DYM: variants seen among roughly 807,000 people sequenced by gnomAD.
DYM encodes dymeclin, also known as dyggve-Melchior-Clausen syndrome protein.
DYM carries 78 observed loss-of-function variants against 93.1 expected under a neutral mutation model. The ratio of observed to expected loss-of-function variants is 0.84; its 90% CI spans 0.70 to 1.01. The LOEUF (loss-of-function observed/expected upper bound fraction) is 1.01. Ranked by LOEUF, DYM falls within the 50% of genes least tolerant of loss-of-function variation. The probability of loss-of-function intolerance (pLI) is 0.00; values close to 1 mark genes in which losing one functional copy is unlikely to be tolerated. For missense variants in DYM, 789 were observed against 845.0 expected (o/e 0.93, Z 0.82); for synonymous variants, 321 against 319.7 (o/e 1.00, Z -0.04).
intron 8 of DYM, among the ~76,000 whole-genome samples, chr18:49,310,526 A>G (rs1354646128): frequency 6.6e-6 from 1 of 152,194 alleles, no homozygotes. Context: ...ATGTATGTAT[A>G]TTTGCCACAC....
chr18:49,156,789 T>G (rs2086506262), intron 15 of DYM, among the ~76,000 whole-genome samples: 1 of 150,160 alleles, frequency 6.7e-6, no homozygotes, highest in Non-Finnish European at 1.5e-5. Flanking sequence ...TACATTCCAC[T>G]GACTTAGAGC....
At chr18:49,045,407 G>A (rs2071345593) in intron 17 of DYM, among the ~76,000 whole-genome samples, 1 of 152,206 alleles carries the variant, frequency 6.6e-6, no homozygotes, top group Non-Finnish European at 1.5e-5. Flanking sequence ...AGTATTGAGG[G>A]CCAACTATGT....
At chr18:49,424,118 C>G (rs2074020368) in intron 2 of DYM, among the ~76,000 whole-genome samples, 1 of 152,146 alleles carries the variant, frequency 6.6e-6, no homozygotes, top group Non-Finnish European at 1.5e-5. Flanking sequence ...AGACCAATAT[C>G]CCTGATGAAC....
At chr18:49,158,031 C>G (rs2086646471) in intron 15 of DYM, among the ~76,000 whole-genome samples, 1 of 152,212 alleles carries the variant, frequency 6.6e-6, no homozygotes, top group Non-Finnish European at 1.5e-5. Flanking sequence ...TGACACAAGA[C>G]CATTTTTCAC....
chr18:49,450,290 C>A (rs2082414912), intron 1 of DYM, among the ~76,000 whole-genome samples: 1 of 152,174 alleles, frequency 6.6e-6, no homozygotes, highest in African/African-American at 2.4e-5. Flanking sequence ...AAAGACTTCA[C>A]CCCATGGTCA....
intron 14 of DYM, among the ~76,000 whole-genome samples, chr18:49,177,946 C>A (rs1183620647): frequency 6.6e-6 from 1 of 152,052 alleles, no homozygotes; most frequent in Non-Finnish European, 1.5e-5. Context: ...TTTAGAAAAA[C>A]CACAAAACCA....
Position 49,134,516 on chromosome 18 carries a change from C to T in DYM, c.1729-15590G>A, listed in dbSNP as rs543138697. Among the ~76,000 whole-genome samples, 191 of 152,220 alleles carry T rather than the reference C, an allele frequency of 1.3e-3. 1 individual carries two copies. The highest frequency in any genetic ancestry group is 4.3e-3 in the African/African-American group (179 of 41,534). On this transcript the variant is annotated intron_variant, in intron 15 of 17. Coordinates refer to ENST00000675505, the MANE Select transcript of DYM (RefSeq NM_001353214.3). Reference sequence around the variant, plus strand: ...CCTCTAGAATAATTAATACATAAAACGAATGCTGTCTTGATTTAATTATTT... The same window carrying T: ...CCTCTAGAATAATTAATACATAAAATGAATGCTGTCTTGATTTAATTATTT...
chr18:49,254,345 G>A (rs2094350532), intron 13 of DYM, among the ~76,000 whole-genome samples: 1 of 142,888 alleles, frequency 7.0e-6, no homozygotes, highest in South Asian at 2.2e-4. Context: ...GATGGGTCCT[G>A]GTCTTATTCC....
At chr18:49,366,321 C>G (rs1459738881) in intron 5 of DYM, among the ~76,000 whole-genome samples, 1 of 152,206 alleles carries the variant, frequency 6.6e-6, no homozygotes, top group East Asian at 1.9e-4. Context: ...AGTATAGTAA[C>G]ACATTCAAGC....
At chr18:49,355,344 TATCA>T (rs1194594473) in intron 6 of DYM, among the ~76,000 whole-genome samples, 1 of 151,762 alleles carries the variant, frequency 6.6e-6, no homozygotes, top group African/African-American at 2.4e-5. Flanking sequence ...CAGATGTATC[TATCA>T]ATAATTGATA....
intron 13 of DYM, among the ~76,000 whole-genome samples, chr18:49,241,510 G>T (rs529462955): frequency 1.3e-5 from 2 of 152,100 alleles, no homozygotes; most frequent in East Asian, 3.9e-4. Flanking sequence ...AGTAAGCCCC[G>T]AACTCAATCA....
chr18:49,365,108 C>G (rs991194732), intron 5 of DYM, among the ~76,000 whole-genome samples: 5 of 151,768 alleles, frequency 3.3e-5, no homozygotes, highest in African/African-American at 7.3e-5. Context: ...CCAAGCATCT[C>G]AGAAAAAATC....
intron 8 of DYM, among the ~76,000 whole-genome samples, chr18:49,302,970 T>A (rs2061037209): frequency 6.6e-6 from 1 of 152,212 alleles, no homozygotes; most frequent in Non-Finnish European, 1.5e-5. Flanking sequence ...CTAAATTCAA[T>A]CTATTTGTTC....
chr18:49,336,391 C>A (rs1410928032), intron 6 of DYM, among the ~76,000 whole-genome samples: 1 of 152,140 alleles, frequency 6.6e-6, no homozygotes, highest in Admixed American at 6.5e-5. Flanking sequence ...TTGGATCATC[C>A]TCTCTTACCG....
intron 15 of DYM, among the ~76,000 whole-genome samples, chr18:49,145,125 ATATATATATAATT>A (rs1434750410): frequency 1.7e-5 from 2 of 114,508 alleles, no homozygotes; most frequent in East Asian, 5.3e-4. Flanking sequence ...ATATATATAT[ATATATATATAATT>A]TATATATATA....
chr18:49,084,047 T>C (rs2078281830), intron 17 of DYM, among the ~76,000 whole-genome samples: 1 of 152,186 alleles, frequency 6.6e-6, no homozygotes, highest in South Asian at 2.1e-4. Context: ...AATTTGCTTT[T>C]CTTTTTAGTT....
intron 2 of DYM, among the ~76,000 whole-genome samples, chr18:49,398,726 G>C (rs2070422340): frequency 6.6e-6 from 1 of 152,020 alleles, no homozygotes; most frequent in Non-Finnish European, 1.5e-5. Context: ...CCTTTTTCTG[G>C]CATATAGTAA....
chr18:49,143,359 G>C (rs753799263), intron 15 of DYM, among the ~76,000 whole-genome samples: 2 of 152,106 alleles, frequency 1.3e-5, no homozygotes, highest in Non-Finnish European at 1.5e-5. Flanking sequence ...TTTGGTTTTA[G>C]GTGATAAGAG....
intron 16 of DYM, among the ~76,000 whole-genome samples, chr18:49,114,256 G>A (rs2081715929): frequency 1.3e-5 from 2 of 152,146 alleles, no homozygotes; most frequent in African/African-American, 4.8e-5. Flanking sequence ...ATATACATGA[G>A]GCACTCAAGC....
Sources: gnomAD v4.1 joint callset for allele counts (sites outside exome capture counted in the v4.1 genomes callset) on GRCh38, gnomAD v4.1.1 for gene constraint, MANE v1.5 for transcripts, NCBI Gene and HGNC (gene_info 2026-07-23, HGNC 2026-07-21) for gene names.